The following CAB39 variants were observed in gnomAD, a reference collection of about 807,000 sequenced individuals.
CAB39 encodes calcium binding protein 39, also known as calcium-binding protein 39.
Under a neutral mutation model 40.0 loss-of-function variants are expected in CAB39, and 8 were observed. The ratio of observed to expected loss-of-function variants is 0.20; its 90% CI spans 0.12 to 0.36. The LOEUF (loss-of-function observed/expected upper bound fraction) is 0.36, where lower values mean the gene tolerates loss of function less well. Among genes scored for constraint, CAB39 ranks in the 10% least tolerant of loss-of-function variants. The pLI, the probability that CAB39 is intolerant of heterozygous loss-of-function variation, is 1.00. For missense variants in CAB39, 270 were observed against 401.1 expected (o/e 0.67, Z 2.79); for synonymous variants, 156 against 141.6 (o/e 1.10, Z -0.72).
intron 5 of CAB39, among the ~76,000 whole-genome samples, chr2:230,807,089 C>CT (rs1016858111): frequency 1.3e-5 from 2 of 152,088 alleles, no homozygotes; most frequent in Admixed American, 1.3e-4. Context: ...ATGAGGAATC[C>CT]TTTTATTCTC....
chr2:230,734,149 A>G (rs998411043), intron 1 of CAB39, among the ~76,000 whole-genome samples: 1 of 152,218 alleles, frequency 6.6e-6, no homozygotes, highest in Non-Finnish European at 1.5e-5. Context: ...TTTTTCCAAC[A>G]AAACAGAGAT....
At chr2:230,769,947 A>G (rs1346427413) in intron 2 of CAB39, among the ~76,000 whole-genome samples, 1 of 152,114 alleles carries the variant, frequency 6.6e-6, no homozygotes, top group Non-Finnish European at 1.5e-5. Context: ...ACAGAGTGAG[A>G]CCCTGTCTCA....
chr2:230,745,130 GT>G (rs1451682072), intron 1 of CAB39, among the ~76,000 whole-genome samples: 1 of 152,120 alleles, frequency 6.6e-6, no homozygotes, highest in Non-Finnish European at 1.5e-5. Flanking sequence ...AGTACTCATT[GT>G]TTAATTCATT....
At chr2:230,760,631 C>T (rs999708818) in intron 2 of CAB39, among the ~76,000 whole-genome samples, 6 of 152,146 alleles carry the variant, frequency 3.9e-5, no homozygotes, top group Non-Finnish European at 5.9e-5. Flanking sequence ...TTCTTGAAAT[C>T]GGTTCTTCCC....
chr2:230,742,558 CAA>C (rs112074993), intron 1 of CAB39, among the ~76,000 whole-genome samples: 40 of 60,358 alleles, frequency 6.6e-4, no homozygotes, highest in Non-Finnish European at 9.0e-4. Context: ...AACATATTTG[CAA>C]AAAAAAAAAA....
chr2:230,731,980 T>C (rs1694699271), intron 1 of CAB39, among the ~76,000 whole-genome samples: 1 of 152,166 alleles, frequency 6.6e-6, no homozygotes, highest in African/African-American at 2.4e-5. Context: ...CCCCATTTAA[T>C]GGAGTATCCT....
At chr2:230,763,579 G>A (rs1423652676) in intron 2 of CAB39, among the ~76,000 whole-genome samples, 11 of 151,124 alleles carry the variant, frequency 7.3e-5, no homozygotes, top group African/African-American at 2.4e-4. Flanking sequence ...GGTGACAAGC[G>A]AGATTCTGTC....
rs1229659835 is a variant in CAB39, at chr2:230,819,024, T to TA, written c.*321dup. The TA allele has an allele frequency of 1.5e-5, 4 of 260,184 alleles. No homozygotes were observed. The highest frequency in any genetic ancestry group is 9.1e-5 in the African/African-American group (4 of 44,086). 16.1% of individuals were successfully genotyped at this position (260,184 alleles called of 1,614,324 possible). A position where few individuals can be genotyped will look rare whatever the true frequency, so the allele number is the denominator to read the frequency against. The stretch of plus-strand genomic sequence containing the variant: ...TGTGGTTTAGGAAAGAGGGCACTGA[T>TA]ATCAGATTAGACCTATGTGTTTGCA... On this transcript the variant is annotated 3_prime_UTR_variant, in exon 9 of 9. Transcript: ENST00000258418.
intron 1 of CAB39, among the ~76,000 whole-genome samples, chr2:230,743,910 A>T (rs1353405152): frequency 6.7e-6 from 1 of 148,662 alleles, no homozygotes; most frequent in African/African-American, 2.5e-5. Context: ...GCTCTGATAC[A>T]TGATACTTTT....
chr2:230,724,869 T>G (rs1575900318), intron 1 of CAB39, among the ~76,000 whole-genome samples: 3 of 137,198 alleles, frequency 2.2e-5, no homozygotes, highest in African/African-American at 2.8e-5. Flanking sequence ...AAAGTGAGGG[T>G]GGGGGTGAGG....
intron 1 of CAB39, among the ~76,000 whole-genome samples, chr2:230,748,813 G>GAAAAAAAAAA (rs759314442): frequency 1.3e-4 from 4 of 31,780 alleles, no homozygotes; most frequent in African/African-American, 4.3e-4. Flanking sequence ...TTTCCAAAAA[G>GAAAAAAAAAA]AAAAAAAAAA....
intron 2 of CAB39, chr2:230,779,535 T>A (rs1291919475): frequency 6.6e-6 from 1 of 152,204 alleles, no homozygotes; most frequent in Non-Finnish European, 1.5e-5. Context: ...TTGGCTACTT[T>A]TAATAAAGCA....
Position 230,819,905 on chromosome 2 carries a change from T to C in CAB39, c.*1201T>C, listed in dbSNP as rs924570741. On this transcript the variant is annotated 3_prime_UTR_variant, in exon 9 of 9. Transcript: ENST00000258418. ...AGCACCTTTTCTTTCTTAGACTAAGTAACCCAGTACAATAGTTGTGAACTG... is the reference window on the plus strand; with the variant it reads ...AGCACCTTTTCTTTCTTAGACTAAGCAACCCAGTACAATAGTTGTGAACTG... The C allele has an allele frequency of 8.5e-5, 13 of 152,660 alleles. No individual in the cohort carries two copies. Among genetic ancestry groups the C allele is most frequent in the African/African-American group, 2.4e-5 (1 of 41,462 alleles). 9.5% of individuals were successfully genotyped at this position (152,660 alleles called of 1,614,324 possible).
At chr2:230,789,132 A>G (rs890775370) in intron 2 of CAB39, among the ~76,000 whole-genome samples, 3 of 152,068 alleles carry the variant, frequency 2.0e-5, no homozygotes, top group Admixed American at 2.0e-4. Flanking sequence ...TTACTAACCT[A>G]TTCTTATCTA....
At chr2:230,805,042 A>T (rs1467182159) in intron 5 of CAB39, among the ~76,000 whole-genome samples, 3 of 151,788 alleles carry the variant, frequency 2.0e-5, no homozygotes, top group Non-Finnish European at 4.4e-5. Flanking sequence ...TGTGGCACAT[A>T]TACACCATGG....
intron 2 of CAB39, among the ~76,000 whole-genome samples, chr2:230,785,121 AC>A (rs1695766290): frequency 6.6e-6 from 1 of 152,212 alleles, no homozygotes; most frequent in South Asian, 2.1e-4. Context: ...TGGAATACAT[AC>A]ATATACACAC....
chr2:230,754,869 C>G (rs919814869), intron 1 of CAB39, among the ~76,000 whole-genome samples: 1 of 152,186 alleles, frequency 6.6e-6, no homozygotes, highest in Non-Finnish European at 1.5e-5. Context: ...CCCCAAAGTC[C>G]ATTGTATCAT....
intron 2 of CAB39, among the ~76,000 whole-genome samples, chr2:230,764,634 T>C (rs1695352232): frequency 6.6e-6 from 1 of 152,196 alleles, no homozygotes; most frequent in Non-Finnish European, 1.5e-5. Context: ...GTCAAGCTTA[T>C]TCATGATCTA....
At chr2:230,716,176 C>T (rs1575893758) in intron 1 of CAB39, among the ~76,000 whole-genome samples, 2 of 152,186 alleles carry the variant, frequency 1.3e-5, no homozygotes, top group East Asian at 3.9e-4. Context: ...GTATACGTTT[C>T]CTAAAGTTAA....
Sources: gnomAD v4.1 joint callset for allele counts (sites outside exome capture counted in the v4.1 genomes callset) on GRCh38, gnomAD v4.1.1 for gene constraint, MANE v1.5 for transcripts, NCBI Gene and HGNC (gene_info 2026-07-23, HGNC 2026-07-21) for gene names.